Variants in OSBPL10 observed in about 807,000 individuals in gnomAD.
OSBPL10 encodes the protein oxysterol-binding protein-related protein 10.
Under a neutral mutation model 81.7 loss-of-function variants are expected in OSBPL10, and 49 were observed. The ratio of observed to expected loss-of-function variants is 0.60; its 90% CI spans 0.48 to 0.76. The LOEUF is 0.76. Ranked by LOEUF, OSBPL10 falls within the 30% of genes least tolerant of loss-of-function variation. The pLI is 0.00. For missense variants in OSBPL10, 923 were observed against 987.8 expected (o/e 0.93, Z 0.88); for synonymous variants, 419 against 383.6 (o/e 1.09, Z -1.08).
intron 4 of OSBPL10, among the ~76,000 whole-genome samples, chr3:31,761,537 C>T (rs1304268669): frequency 6.6e-6 from 1 of 151,042 alleles, no homozygotes; most frequent in Non-Finnish European, 1.5e-5. Context: ...ACTAAAGAGG[C>T]CTGGTATGGT....
Position 31,907,358 on chromosome 3 carries a change from G to A in OSBPL10, c.282-27528C>T, listed in dbSNP as rs138684931. On this transcript the variant is annotated intron_variant, in intron 1 of 11. Coordinates refer to ENST00000396556, the MANE Select transcript of OSBPL10 (RefSeq NM_017784.5). ...TTTAAGTGACCTCTAGCTGGGCACG[G>A]TGACTCACGCCTGTAATCCCAACAC... 7.4e-3 allele frequency among the ~76,000 whole-genome samples: 1,128 copies of A among 152,178 alleles called. 11 individuals are homozygous for A. Among genetic ancestry groups the A allele is most frequent in the Non-Finnish European group, 0.011 (752 of 68,010 alleles).
intron 4 of OSBPL10, among the ~76,000 whole-genome samples, chr3:31,750,426 G>A (rs1158475248): frequency 6.6e-6 from 1 of 152,206 alleles, no homozygotes; most frequent in African/African-American, 2.4e-5. Flanking sequence ...TCTCACAGAA[G>A]TGCAAGAGAA....
At chr3:32,033,732 T>G (rs1212026317) in intron 2 of OSBPL10, among the ~76,000 whole-genome samples, 2 of 152,232 alleles carry the variant, frequency 1.3e-5, no homozygotes, top group Non-Finnish European at 1.5e-5. Flanking sequence ...CTTTTCTTAT[T>G]CTTTAGTGTA....
intron 2 of OSBPL10, among the ~76,000 whole-genome samples, chr3:31,992,100 C>T (rs1446022862): frequency 3.3e-5 from 5 of 149,624 alleles, no homozygotes; most frequent in Non-Finnish European, 4.4e-5. Flanking sequence ...GAGCCAGGAT[C>T]GCCCCACTGC....
chr3:31,708,826 G>T (rs1295344552), intron 6 of OSBPL10: 35 of 985,302 alleles, frequency 3.6e-5, no homozygotes, highest in Non-Finnish European at 4.1e-5. Context: ...GGGTATCTCA[G>T]CTGAAAGGGT....
intron 1 of OSBPL10, among the ~76,000 whole-genome samples, chr3:31,889,722 G>A (rs1695840125): frequency 6.6e-6 from 1 of 152,084 alleles, no homozygotes; most frequent in African/African-American, 2.4e-5. Flanking sequence ...CTAGACGGGA[G>A]GATTTCTAGC....
chr3:31,666,038 C>G (rs1174500889), intron 10 of OSBPL10, among the ~76,000 whole-genome samples: 1 of 152,054 alleles, frequency 6.6e-6, no homozygotes, highest in Non-Finnish European at 1.5e-5. Context: ...GCTCTGAACA[C>G]CATGCTAAAA....
intron 11 of OSBPL10, chr3:31,662,580 CAA>C (rs1471427467): frequency 1.0e-6 from 1 of 996,350 alleles, no homozygotes; most frequent in African/African-American, 1.7e-5. Flanking sequence ...CACCATCAAT[CAA>C]ATATCAAGTG....
At chr3:31,679,109 C>CA (rs1700570436) in intron 8 of OSBPL10, among the ~76,000 whole-genome samples, 1 of 152,126 alleles carries the variant, frequency 6.6e-6, no homozygotes, top group Non-Finnish European at 1.5e-5. Context: ...TGGCTGTCCT[C>CA]AAAACACCCC....
chr3:31,671,464 G>T (rs1700321501), intron 8 of OSBPL10, among the ~76,000 whole-genome samples: 1 of 152,114 alleles, frequency 6.6e-6, no homozygotes, highest in South Asian at 2.1e-4. Flanking sequence ...GAAGAGAGAT[G>T]ATATATATAG....
upstream of OSBPL10, among the ~76,000 whole-genome samples, chr3:31,982,650 T>TA (rs34935064): frequency 0.21 from 31,473 of 146,902 alleles, 3,370 homozygotes; most frequent in South Asian, 0.35. Context: ...TACATAGTGT[T>TA]AAAAAAAAAA....
At chr3:31,823,844 A>G (rs77758960) in intron 4 of OSBPL10, among the ~76,000 whole-genome samples, 94 of 148,418 alleles carry the variant, frequency 6.3e-4, no homozygotes, top group African/African-American at 1.6e-3. Flanking sequence ...GTATGTGTGT[A>G]TGTGTGTGTG....
chr3:31,751,375 C>CAAATA lies in OSBPL10; in HGVS notation c.730-3260_730-3256dup, dbSNP rs146565470. Among the ~76,000 whole-genome samples, 732 of 150,856 alleles carry CAAATA rather than the reference C, an allele frequency of 4.9e-3. 3 individuals carry two copies. Among genetic ancestry groups the CAAATA allele is most frequent in the African/African-American group, 8.2e-3 (339 of 41,098 alleles). On this transcript the variant is annotated intron_variant, in intron 4 of 11. Transcript: ENST00000396556. ...ATAAATAAATAAACAAACAAACAAA[C>CAAATA]AAATAAAATAAAATAAAATAAAATA...
chr3:31,785,246 T>C (rs941312334), intron 4 of OSBPL10, among the ~76,000 whole-genome samples: 1 of 152,148 alleles, frequency 6.6e-6, no homozygotes, highest in African/African-American at 2.4e-5. Context: ...AAAAACAGAA[T>C]ATAAAACTGT....
chr3:32,034,027 T>G (rs1313894479), intron 2 of OSBPL10, among the ~76,000 whole-genome samples: 1 of 152,044 alleles, frequency 6.6e-6, no homozygotes, highest in African/African-American at 2.4e-5. Context: ...GGCAAAGAAG[T>G]AGGCAATTCT....
chr3:31,702,220 C>CTTGAAAGCA (rs1388880732), intron 7 of OSBPL10, 139 bp downstream of exon 7: 18 of 1,031,278 alleles, frequency 1.7e-5, no homozygotes, highest in Non-Finnish European at 2.2e-5. Context: ...AATATCCATA[C>CTTGAAAGCA]TTGAAAGCAA....
At position 31,830,241 on chromosome 3, in the gene OSBPL10, G is replaced by A; in HGVS notation, c.538-10C>T. ...GGGAGCTTGGAGCACTCTAGAATAA[G>A]CAACAGGTGTCAAAACTCAACAACT... On this transcript the variant is annotated splice_polypyrimidine_tract_variant and intron_variant, in intron 3 of 11. Transcript: ENST00000396556. 6.2e-7 allele frequency: 1 copy of A among 1,606,966 alleles called. No individual in the cohort carries two copies. The highest frequency in any genetic ancestry group is 8.5e-7 in the Non-Finnish European group (1 of 1,176,716).
At chr3:31,892,684 G>A (rs1270883686) in intron 1 of OSBPL10, among the ~76,000 whole-genome samples, 2 of 152,182 alleles carry the variant, frequency 1.3e-5, no homozygotes, top group Admixed American at 6.5e-5. Flanking sequence ...TAGTTCGACT[G>A]GGGCAGCAGG....
At chr3:31,941,116 G>A (rs1697525489) in intron 1 of OSBPL10, among the ~76,000 whole-genome samples, 1 of 152,110 alleles carries the variant, frequency 6.6e-6, no homozygotes, top group South Asian at 2.1e-4. Context: ...TTCTCCTCAA[G>A]CTAAACACAG....
Sources: gnomAD v4.1 joint callset for allele counts (sites outside exome capture counted in the v4.1 genomes callset) on GRCh38, gnomAD v4.1.1 for gene constraint, MANE v1.5 for transcripts, NCBI Gene and HGNC (gene_info 2026-07-23, HGNC 2026-07-21) for gene names.